LMBRD1: variants seen among roughly 807,000 people sequenced by gnomAD.
LMBRD1 encodes the protein lysosomal cobalamin transport escort protein LMBD1.
Under a neutral mutation model 74.8 loss-of-function variants are expected in LMBRD1, and 64 were observed. That is an observed-to-expected ratio of 0.86 (90% CI 0.70 to 1.05). The LOEUF (loss-of-function observed/expected upper bound fraction) is 1.05. Ranked by LOEUF, LMBRD1 falls within the 50% of genes least tolerant of loss-of-function variation. LMBRD1 has a pLI of 0.00. For missense variants in LMBRD1, 652 were observed against 645.9 expected (o/e 1.01, Z -0.10); for synonymous variants, 204 against 216.3 (o/e 0.94, Z 0.50).
At position 69,763,255 on chromosome 6, in the gene LMBRD1, T is replaced by C. The variant is rs1765409152; in HGVS notation, c.308-10899A>G. Among the ~76,000 whole-genome samples the C allele has an allele frequency of 2.6e-5, 4 of 151,798 alleles. No homozygotes were observed. In the South Asian group the frequency reaches 8.3e-4, roughly 32 times the overall value. On this transcript the variant is annotated intron_variant, in intron 3 of 15. Transcript: ENST00000649934. ...AAAAGAAAAAAAAAAAAGGAATTGT[T>C]AAGCAAAATGAGCCAGAACTTGAAG...
At chr6:69,697,669 T>C (rs776380313) in intron 13 of LMBRD1, 28 bp from the exon 14 acceptor site, 9 of 1,310,054 alleles carry the variant, frequency 6.9e-6, no homozygotes, top group Non-Finnish European at 9.9e-6. Context: ...AGTTAAAATA[T>C]AAAAACCGCA....
chr6:69,747,133 T>A (rs1195202246), intron 5 of LMBRD1, among the ~76,000 whole-genome samples: 1 of 151,684 alleles, frequency 6.6e-6, no homozygotes, highest in African/African-American at 2.4e-5. Flanking sequence ...ATATACGTCA[T>A]TTAGCAAGGG....
intron 3 of LMBRD1, among the ~76,000 whole-genome samples, chr6:69,778,476 A>C (rs931262663): frequency 6.6e-6 from 1 of 152,234 alleles, no homozygotes; most frequent in Non-Finnish European, 1.5e-5. Flanking sequence ...TCCAGTTTAC[A>C]AGTCTTTTGC....
intron 14 of LMBRD1, among the ~76,000 whole-genome samples, chr6:69,686,920 G>A (rs748923825): frequency 3.9e-5 from 6 of 152,098 alleles, no homozygotes; most frequent in Non-Finnish European, 8.8e-5. Context: ...AGAGCTGAGT[G>A]GTTATCATAG....
chr6:69,683,100 T>C (rs925156568), intron 14 of LMBRD1, among the ~76,000 whole-genome samples: 45 of 151,960 alleles, frequency 3.0e-4, no homozygotes, highest in Non-Finnish European at 6.2e-4. Flanking sequence ...ACAACCGCAA[T>C]GTCACCTAGA....
intron 5 of LMBRD1, among the ~76,000 whole-genome samples, chr6:69,744,473 TA>T (rs1444318580): frequency 6.6e-6 from 1 of 152,106 alleles, no homozygotes; most frequent in African/African-American, 2.4e-5. Context: ...ATAACAAAAC[TA>T]AAAAACTGCT....
At chr6:69,781,855 CA>C (rs1475979297) in intron 2 of LMBRD1, among the ~76,000 whole-genome samples, 1 of 152,058 alleles carries the variant, frequency 6.6e-6, no homozygotes, top group Non-Finnish European at 1.5e-5. Context: ...TATCACCAAT[CA>C]AAATCCCATT....
chr6:69,715,145 A>G (rs948139391), intron 8 of LMBRD1, among the ~76,000 whole-genome samples: 2 of 152,148 alleles, frequency 1.3e-5, no homozygotes, highest in African/African-American at 4.8e-5. Context: ...CCCTTCTGGA[A>G]GATAAATCCA....
chr6:69,795,821 TACTAGA>T (rs1766213243), intron 1 of LMBRD1, among the ~76,000 whole-genome samples: 1 of 152,222 alleles, frequency 6.6e-6, no homozygotes, highest in Admixed American at 6.5e-5. Context: ...TGCAAAAATC[TACTAGA>T]ACATACTACA....
At chr6:69,679,816 C>G (rs763773938) in intron 14 of LMBRD1, among the ~76,000 whole-genome samples, 2 of 152,060 alleles carry the variant, frequency 1.3e-5, no homozygotes, top group Non-Finnish European at 2.9e-5. Context: ...TCTTTCCTCA[C>G]AGAATTGCTA....
chr6:69,727,887 C>A (rs1228698181), intron 7 of LMBRD1, among the ~76,000 whole-genome samples: 1 of 152,018 alleles, frequency 6.6e-6, no homozygotes, highest in Admixed American at 6.6e-5. Context: ...CTTCCATATT[C>A]TTTAAACATT....
intron 1 of LMBRD1, among the ~76,000 whole-genome samples, chr6:69,791,836 A>G (rs543062064): frequency 3.9e-5 from 6 of 152,338 alleles, no homozygotes; most frequent in South Asian, 4.1e-4. Flanking sequence ...AAAAAATTCC[A>G]GAGAGCAGTT....
chr6:69,709,697 A>G (rs1204957409), intron 9 of LMBRD1, among the ~76,000 whole-genome samples: 1 of 152,222 alleles, frequency 6.6e-6, no homozygotes, highest in African/African-American at 2.4e-5. Context: ...ACTAGAACTA[A>G]TAATTTAACC....
intron 7 of LMBRD1, among the ~76,000 whole-genome samples, chr6:69,726,212 A>T (rs1365259543): frequency 1.3e-5 from 2 of 152,210 alleles, no homozygotes; most frequent in Non-Finnish European, 2.9e-5. Flanking sequence ...CTTTTATCTA[A>T]AAGTCAGGCA....
intron 9 of LMBRD1, among the ~76,000 whole-genome samples, chr6:69,707,907 T>G (rs1045086355): frequency 2.6e-5 from 4 of 152,148 alleles, no homozygotes; most frequent in African/African-American, 4.8e-5. Flanking sequence ...TGCACAACAT[T>G]GTGAATGTAC....
intron 14 of LMBRD1, among the ~76,000 whole-genome samples, chr6:69,681,259 T>C (rs2149834704): frequency 6.6e-6 from 1 of 152,076 alleles, no homozygotes; most frequent in Non-Finnish European, 1.5e-5. Flanking sequence ...ATCAAGACTT[T>C]TGAATCCTGC....
At chr6:69,749,903 CATAT>C (rs1174244036) in intron 4 of LMBRD1, among the ~76,000 whole-genome samples, 1 of 122,678 alleles carries the variant, frequency 8.2e-6, no homozygotes, top group South Asian at 2.5e-4. Flanking sequence ...CTCATATATA[CATAT>C]ATAAGTATAT....
At chr6:69,689,696 G>A (rs1278013199) in intron 14 of LMBRD1, among the ~76,000 whole-genome samples, 1 of 152,050 alleles carries the variant, frequency 6.6e-6, no homozygotes, top group Non-Finnish European at 1.5e-5. Context: ...AAATATTCCT[G>A]CCCCAGAATT....
chr6:69,767,694 C>T (rs1765499326), intron 3 of LMBRD1, among the ~76,000 whole-genome samples: 1 of 151,882 alleles, frequency 6.6e-6, no homozygotes, highest in African/African-American at 2.4e-5. Context: ...CAATTTTCTA[C>T]ATTTTTAAGT....
Sources: allele counts gnomAD v4.1 joint callset (sites outside exome capture counted in the v4.1 genomes callset), GRCh38; gene constraint gnomAD v4.1.1; transcripts MANE v1.5; gene names NCBI Gene and HGNC (gene_info 2026-07-23, HGNC 2026-07-21).